The following GAS7 variants were observed in gnomAD, a reference collection of about 807,000 sequenced individuals.
GAS7 encodes the protein growth arrest specific 7, also known as growth arrest-specific protein 7.
Under a neutral mutation model 71.1 loss-of-function variants are expected in GAS7, and 28 were observed. That is an observed-to-expected ratio of 0.39 (90% CI 0.29 to 0.54). The LOEUF (loss-of-function observed/expected upper bound fraction) is 0.54, where lower values mean the gene tolerates loss of function less well. Among genes scored for constraint, GAS7 ranks in the 20% least tolerant of loss-of-function variants. The probability of loss-of-function intolerance (pLI) is 0.62; values close to 1 mark genes in which losing one functional copy is unlikely to be tolerated. For missense variants in GAS7, 436 were observed against 627.8 expected, an observed-to-expected ratio of 0.69 and a Z score of 3.27; for synonymous variants, 258 against 245.8, an observed-to-expected ratio of 1.05 and a Z score of -0.46.
At chr17:10,171,807 G>A (rs146797812) in intron 1 of GAS7, among the ~76,000 whole-genome samples, 17 of 152,172 alleles carry the variant, frequency 1.1e-4, no homozygotes, top group Admixed American at 7.9e-4. Context: ...AATCCACCTC[G>A]CCAGGCTGTT....
chr17:10,195,442 T>A (rs2074534045), intron 1 of GAS7, among the ~76,000 whole-genome samples: 1 of 152,132 alleles, frequency 6.6e-6, no homozygotes, highest in Non-Finnish European at 1.5e-5. Flanking sequence ...TTTCCTAGTA[T>A]CACTCTTTCT....
intron 1 of GAS7, among the ~76,000 whole-genome samples, chr17:10,186,211 C>A (rs976074082): frequency 6.6e-6 from 1 of 151,914 alleles, no homozygotes; most frequent in Non-Finnish European, 1.5e-5. Context: ...CCTGCCTCGG[C>A]CTCCCAAAGT....
chr17:10,006,125 T>C (rs770184941), intron 2 of GAS7, among the ~76,000 whole-genome samples: 12 of 151,988 alleles, frequency 7.9e-5, no homozygotes, highest in Non-Finnish European at 1.6e-4. Context: ...CAAATTAGGA[T>C]GCCCCAGTCT....
intron 3 of GAS7, among the ~76,000 whole-genome samples, chr17:9,976,208 T>C (rs1012584480): frequency 6.6e-6 from 1 of 152,190 alleles, no homozygotes; most frequent in African/African-American, 2.4e-5. Flanking sequence ...TTGTGAATAG[T>C]GAAACACCTG....
chr17:10,076,845 C>T (rs765169715), intron 1 of GAS7, among the ~76,000 whole-genome samples: 1 of 103,354 alleles, frequency 9.7e-6, no homozygotes, highest in Non-Finnish European at 2.0e-5. Flanking sequence ...GCGCATATCA[C>T]CAGAGCCGGA....
chr17:10,196,538 T>C (rs1458438293), intron 1 of GAS7, among the ~76,000 whole-genome samples: 1 of 152,200 alleles, frequency 6.6e-6, no homozygotes, highest in Non-Finnish European at 1.5e-5. Context: ...ACTGTCCCAG[T>C]TGTTAATTCC....
At chr17:10,081,231 T>C (rs949943883) in intron 1 of GAS7, among the ~76,000 whole-genome samples, 5 of 152,220 alleles carry the variant, frequency 3.3e-5, no homozygotes, top group Non-Finnish European at 1.5e-5. Context: ...CTCAGCTCAC[T>C]GAAACCTTCC....
intron 1 of GAS7, among the ~76,000 whole-genome samples, chr17:10,145,823 C>CT (rs534711001): frequency 2.0e-5 from 3 of 152,172 alleles, no homozygotes; most frequent in Non-Finnish European, 4.4e-5. Context: ...TCCCAGCTCT[C>CT]TAAGGGCAGT....
chr17:9,920,738 G>T (rs2067775271), intron 11 of GAS7, among the ~76,000 whole-genome samples: 1 of 152,200 alleles, frequency 6.6e-6, no homozygotes, highest in Admixed American at 6.5e-5. Flanking sequence ...ATCCTCACAG[G>T]GCTCCAGCAA....
chr17:10,059,710 C>A (rs8072311), intron 1 of GAS7: 135,631 of 984,716 alleles, frequency 0.14, 9,478 homozygotes, highest in African/African-American at 0.22. Flanking sequence ...TGTGGTGTGT[C>A]CTTATGCAAA....
At chr17:10,160,692 G>A (rs1034259674) in intron 1 of GAS7, among the ~76,000 whole-genome samples, 4 of 152,154 alleles carry the variant, frequency 2.6e-5, no homozygotes, top group African/African-American at 9.7e-5. Context: ...AGAAAGTTAA[G>A]GAAGTATGTG....
At chr17:10,157,327 C>T (rs1009130703) in intron 1 of GAS7, among the ~76,000 whole-genome samples, 1 of 152,148 alleles carries the variant, frequency 6.6e-6, no homozygotes, top group Non-Finnish European at 1.5e-5. Flanking sequence ...TGTCAACTGC[C>T]CCCGGGAACA....
chr17:10,129,011 CAT>C (rs1471786014), intron 1 of GAS7, among the ~76,000 whole-genome samples: 1 of 152,102 alleles, frequency 6.6e-6, no homozygotes, highest in African/African-American at 2.4e-5. Flanking sequence ...GGTCAGCAGA[CAT>C]ATATGAGAAG....
intron 1 of GAS7, among the ~76,000 whole-genome samples, chr17:10,144,874 C>G (rs556317059): frequency 6.6e-6 from 1 of 152,164 alleles, no homozygotes; most frequent in Admixed American, 6.5e-5. Context: ...AAAAAAAAGT[C>G]TTTTATGTCT....
intron 2 of GAS7, among the ~76,000 whole-genome samples, chr17:10,011,892 C>T (rs2071786694): frequency 1.3e-5 from 2 of 151,166 alleles, no homozygotes; most frequent in Admixed American, 1.3e-4. Flanking sequence ...AGGAGAATCG[C>T]TTGAACCTGG....
intron 1 of GAS7, chr17:10,059,847 TAG>T (rs1358324362): frequency 6.4e-5 from 63 of 980,458 alleles, no homozygotes; most frequent in East Asian, 1.1e-4. Context: ...AGCATTAAAA[TAG>T]AGACTTGACG....
At chr17:10,016,751 AAATAATAATAATAATAATAAT>A (rs4057773) in intron 2 of GAS7, among the ~76,000 whole-genome samples, 8,343 of 139,886 alleles carry the variant, frequency 0.06, 418 homozygotes, top group African/African-American at 0.13. Context: ...TCTCTACAAA[AAATAATAATAATAATAATAAT>A]AATAATAATA....
chr17:10,144,255 C>T (rs1489830261), intron 1 of GAS7, among the ~76,000 whole-genome samples: 1 of 152,206 alleles, frequency 6.6e-6, no homozygotes, highest in Non-Finnish European at 1.5e-5. Context: ...CTCCCTAAAA[C>T]AGAGCCAGGT....
At chr17:10,090,834 T>G (rs567570098) in intron 1 of GAS7, among the ~76,000 whole-genome samples, 22 of 152,140 alleles carry the variant, frequency 1.4e-4, no homozygotes, top group Non-Finnish European at 2.6e-4. Context: ...AGAACATGAT[T>G]ACTCCAAGTC....
Sources: allele counts gnomAD v4.1 joint callset (sites outside exome capture counted in the v4.1 genomes callset), GRCh38; gene constraint gnomAD v4.1.1; transcripts MANE v1.5; gene names NCBI Gene and HGNC (gene_info 2026-07-23, HGNC 2026-07-21).